GPRIN3: variants seen among roughly 807,000 people sequenced by gnomAD.
GPRIN3 encodes GPRIN family member 3.
Under a neutral mutation model 13.7 loss-of-function variants are expected in GPRIN3, and 12 were observed. The ratio of observed to expected loss-of-function variants is 0.87; its 90% confidence interval spans 0.56 to 1.42. The LOEUF is 1.42. GPRIN3 is among the 40% of genes most tolerant of loss of function. The probability of loss-of-function intolerance (pLI) is 0.00; values close to 1 mark genes in which losing one functional copy is unlikely to be tolerated. For missense variants in GPRIN3, 1,009 were observed against 958.7 expected, an observed-to-expected ratio of 1.05 and a Z score of -0.69; for synonymous variants, 377 against 372.7, an observed-to-expected ratio of 1.01 and a Z score of -0.13.
chr4:89,302,910 C>T (rs1724937107), intron 1 of GPRIN3, among the ~76,000 whole-genome samples: 1 of 151,802 alleles, frequency 6.6e-6, no homozygotes, highest in Non-Finnish European at 1.5e-5. Flanking sequence ...TCCAAATCAA[C>T]TAATTCAAGC....
chr4:89,289,962 A>C (rs914157971), intron 1 of GPRIN3, among the ~76,000 whole-genome samples: 5 of 151,798 alleles, frequency 3.3e-5, no homozygotes, highest in Non-Finnish European at 5.9e-5. Flanking sequence ...TGCTTCCCAT[A>C]TCCTCCCATA....
At chr4:89,286,488 T>A (rs1178702438) in intron 1 of GPRIN3, among the ~76,000 whole-genome samples, 3 of 152,194 alleles carry the variant, frequency 2.0e-5, no homozygotes, top group Non-Finnish European at 2.9e-5. Flanking sequence ...TTTCTTTTTG[T>A]CAGAGAATCT....
chr4:89,287,660 C>T (rs1279668261), intron 1 of GPRIN3, among the ~76,000 whole-genome samples: 3 of 152,044 alleles, frequency 2.0e-5, no homozygotes, highest in Non-Finnish European at 4.4e-5. Flanking sequence ...AGACACAAGC[C>T]TATTATGAAT....
Position 89,237,642 on chromosome 4 carries a change from G to C in GPRIN3, c.*10138C>G, listed in dbSNP as rs1457535223. On this transcript the variant is annotated 3_prime_UTR_variant, in exon 2 of 2. Coordinates refer to ENST00000609438, the MANE Select transcript of GPRIN3 (RefSeq NM_198281.3). ...GGGTTCCCAGCTTCCAAAACTGTAA[G>C]AAATAAATTTATTTACAAGCCTCCC... 1 of 152,142 alleles carries C rather than the reference G, an allele frequency of 6.6e-6. No individual in the cohort carries two copies. The highest frequency in any genetic ancestry group is 2.4e-5 in the African/African-American group (1 of 41,434). 9.4% of individuals were successfully genotyped at this position (152,142 alleles called of 1,614,324 possible).
chr4:89,260,633 C>A (rs1189024442), intron 1 of GPRIN3, among the ~76,000 whole-genome samples: 3 of 152,166 alleles, frequency 2.0e-5, no homozygotes, highest in Non-Finnish European at 4.4e-5. Flanking sequence ...TGGTAATAAA[C>A]TGCTTTGTAG....
In GPRIN3 at chr4:89,266,786, C is replaced by T. The variant is rs369840505; in HGVS notation, c.-123-16553G>A. On this transcript the variant is annotated intron_variant, in intron 1 of 1. Coordinates refer to ENST00000609438, the MANE Select transcript of GPRIN3 (RefSeq NM_198281.3). ...ATCCGTTCTCAAAGAAGACATCTGG[C>T]CTTATAAATGATTAGTGAATGATAT... 5.9e-5 allele frequency among the ~76,000 whole-genome samples: 9 copies of T among 152,110 alleles called. No individual in the cohort carries two copies. The East Asian group carries it at 1.7e-3, about 29-fold the overall frequency.
intron 1 of GPRIN3, among the ~76,000 whole-genome samples, chr4:89,277,661 C>T (rs1724131871): frequency 6.6e-6 from 1 of 152,170 alleles, no homozygotes; most frequent in African/African-American, 2.4e-5. Flanking sequence ...GCCTTCTGGG[C>T]CCACTGTCTT....
At position 89,249,378 on chromosome 4, in the gene GPRIN3, A is replaced by G. The variant is rs750175055; in HGVS notation, c.733T>C (p.Ser245Pro). 3 of 1,614,076 alleles carry G rather than the reference A, an allele frequency of 1.9e-6. No individual in the cohort carries two copies. The highest frequency in any genetic ancestry group is 2.5e-6 in the Non-Finnish European group (3 of 1,180,002). ...GTGACAGAGGGCTGCTTGTTCTCTGAACATCCAGATTCTCTAGTTAGAGGT... is the reference window on the plus strand; with the variant it reads ...GTGACAGAGGGCTGCTTGTTCTCTGGACATCCAGATTCTCTAGTTAGAGGT... ...CKPLTRESGC[S>P]ENKQPSVTAS... Residue 245 changes from serine to proline, a missense_variant, in exon 2 of 2, where the codon TCA (serine) becomes CCA (proline). Coordinates refer to ENST00000609438, the MANE Select transcript of GPRIN3 (RefSeq NM_198281.3).
intron 1 of GPRIN3, among the ~76,000 whole-genome samples, chr4:89,285,747 G>A (rs1286610144): frequency 2.6e-5 from 4 of 152,120 alleles, no homozygotes; most frequent in African/African-American, 9.7e-5. Flanking sequence ...TGACAGAGAT[G>A]GGGAAAAGGC....
chr4:89,281,433 T>C (rs970169735), intron 1 of GPRIN3, among the ~76,000 whole-genome samples: 3 of 152,124 alleles, frequency 2.0e-5, no homozygotes, highest in African/African-American at 7.2e-5. Flanking sequence ...CCACATAGTT[T>C]TAAACAGATC....
chr4:89,257,379 G>A (rs72872510), intron 1 of GPRIN3, among the ~76,000 whole-genome samples: 6,027 of 152,214 alleles, frequency 0.04, 384 homozygotes, highest in African/African-American at 0.14. Context: ...TAAGAAGCAC[G>A]ATGACCCTAA....
chr4:89,263,398 A>C (rs1249928971), intron 1 of GPRIN3, among the ~76,000 whole-genome samples: 1 of 152,204 alleles, frequency 6.6e-6, no homozygotes, highest in Non-Finnish European at 1.5e-5. Context: ...CAGCCTGTGC[A>C]CTGGCGGGAA....
At chr4:89,302,951 C>A (rs1396224077) in intron 1 of GPRIN3, among the ~76,000 whole-genome samples, 4 of 151,888 alleles carry the variant, frequency 2.6e-5, no homozygotes, top group African/African-American at 9.7e-5. Context: ...TGGCCCTGGT[C>A]TTCTGTTTTA....
chr4:89,251,732 C>T (rs1305524369), intron 1 of GPRIN3, among the ~76,000 whole-genome samples: 1 of 152,102 alleles, frequency 6.6e-6, no homozygotes, highest in Non-Finnish European at 1.5e-5. Flanking sequence ...AAAACAATGA[C>T]CTAAAACACT....
chr4:89,298,257 CA>C, intron 1 of GPRIN3, among the ~76,000 whole-genome samples: 1 of 152,154 alleles, frequency 6.6e-6, no homozygotes, highest in African/African-American at 2.4e-5. Flanking sequence ...AGAACTAAGT[CA>C]AAAATGCATG....
At position 89,243,596 on chromosome 4, in the gene GPRIN3, C is replaced by T. The variant is rs1294267169; in HGVS notation, c.*4184G>A. On this transcript the variant is annotated 3_prime_UTR_variant, in exon 2 of 2. Coordinates refer to ENST00000609438, the MANE Select transcript of GPRIN3 (RefSeq NM_198281.3). ...GAGTGGGAATAAGGTAGTCGGCTCA[C>T]TTATGCAAGATACTGCTGAGTTCAC... The T allele has an allele frequency of 6.6e-6, 1 of 152,324 alleles. No individual in the cohort carries two copies. Among genetic ancestry groups the T allele is most frequent in the East Asian group, 1.9e-4 (1 of 5,192 alleles). 9.4% of individuals were successfully genotyped at this position (152,324 alleles called of 1,614,324 possible).
intron 1 of GPRIN3, among the ~76,000 whole-genome samples, chr4:89,270,712 T>G (rs1447310311): frequency 6.6e-6 from 1 of 150,814 alleles, no homozygotes; most frequent in African/African-American, 2.4e-5. Flanking sequence ...CTAATTCTTT[T>G]CGTATTTGAA....
At chr4:89,305,143 C>T (rs148942799) in intron 1 of GPRIN3, among the ~76,000 whole-genome samples, 133 of 152,284 alleles carry the variant, frequency 8.7e-4, no homozygotes, top group African/African-American at 3.1e-3. Flanking sequence ...TCTCCATTCT[C>T]GTCTTACCAT....
At chr4:89,287,770 A>C (rs988234468) in intron 1 of GPRIN3, among the ~76,000 whole-genome samples, 4 of 152,226 alleles carry the variant, frequency 2.6e-5, no homozygotes, top group Non-Finnish European at 1.5e-5. Context: ...CACTAAATAA[A>C]ATGTGGAATG....
Sources: gnomAD v4.1 joint callset for allele counts (sites outside exome capture counted in the v4.1 genomes callset) on GRCh38, gnomAD v4.1.1 for gene constraint, MANE v1.5 for transcripts, NCBI Gene and HGNC (gene_info 2026-07-23, HGNC 2026-07-21) for gene names.